The following TMEM117 variants were observed in gnomAD, a reference collection of about 807,000 sequenced individuals.
TMEM117 encodes transmembrane protein 117.
In TMEM117, 27 loss-of-function variants were observed where a neutral mutation model predicts 52.4. The observed-to-expected ratio is 0.51, with a 90% CI of 0.38 to 0.71. The LOEUF is 0.71. Ranked by LOEUF, TMEM117 falls within the 30% of genes least tolerant of loss-of-function variation. The pLI is 0.00. For missense variants in TMEM117, 556 were observed against 630.5 expected (o/e 0.88, Z 1.26); for synonymous variants, 215 against 206.3 (o/e 1.04, Z -0.36).
intron 3 of TMEM117, among the ~76,000 whole-genome samples, chr12:43,971,740 T>C (rs868259278): frequency 3.0e-4 from 45 of 152,244 alleles, no homozygotes; most frequent in Admixed American, 1.9e-3. Context: ...ATGAAAATTA[T>C]TGTTTATGTG....
chr12:43,887,069 G>C (rs1398009338), intron 2 of TMEM117, among the ~76,000 whole-genome samples: 2 of 152,074 alleles, frequency 1.3e-5, no homozygotes, highest in Non-Finnish European at 2.9e-5. Context: ...GGCTGGTCTC[G>C]AGCTCCTGAC....
intron 6 of TMEM117, among the ~76,000 whole-genome samples, chr12:44,359,529 T>C (rs1490963689): frequency 6.6e-6 from 1 of 152,096 alleles, no homozygotes; most frequent in Non-Finnish European, 1.5e-5. Context: ...AGTAGCCGTA[T>C]AATTTTCCAT....
intron 3 of TMEM117, among the ~76,000 whole-genome samples, chr12:43,999,802 G>A (rs1366398534): frequency 6.6e-6 from 1 of 151,906 alleles, no homozygotes; most frequent in Non-Finnish European, 1.5e-5. Flanking sequence ...GGATATAGAT[G>A]GATTTTTGAA....
At chr12:44,297,038 A>G (rs1013958226) in intron 5 of TMEM117, among the ~76,000 whole-genome samples, 1 of 152,208 alleles carries the variant, frequency 6.6e-6, no homozygotes, top group African/African-American at 2.4e-5. Context: ...ACTTTTTTCC[A>G]TAGATAGCTG....
At chr12:44,307,526 T>A (rs916564421) in intron 6 of TMEM117, among the ~76,000 whole-genome samples, 1 of 152,252 alleles carries the variant, frequency 6.6e-6, no homozygotes, top group Non-Finnish European at 1.5e-5. Flanking sequence ...AATAAAGGGC[T>A]TATCACTTAG....
intron 5 of TMEM117, among the ~76,000 whole-genome samples, chr12:44,282,817 T>A (rs1950594415): frequency 6.6e-6 from 1 of 152,250 alleles, no homozygotes; most frequent in African/African-American, 2.4e-5. Context: ...CTCCAGGCTG[T>A]GTCAGAGACC....
chr12:43,993,289 G>A (rs1452714995), intron 3 of TMEM117, among the ~76,000 whole-genome samples: 1 of 152,178 alleles, frequency 6.6e-6, no homozygotes, highest in African/African-American at 2.4e-5. Flanking sequence ...CTTTACAGAT[G>A]TGTTGAGAGA....
At chr12:44,333,869 A>G (rs1192822084) in intron 6 of TMEM117, among the ~76,000 whole-genome samples, 2 of 151,998 alleles carry the variant, frequency 1.3e-5, no homozygotes, top group Admixed American at 6.6e-5. Context: ...GAGTTTACCT[A>G]TCTGACTGAT....
intron 5 of TMEM117, among the ~76,000 whole-genome samples, chr12:44,249,213 G>T (rs1255221907): frequency 2.0e-5 from 3 of 151,630 alleles, no homozygotes; most frequent in Non-Finnish European, 2.9e-5. Flanking sequence ...TGTTTCCAGG[G>T]GTTTGTATTC....
chr12:44,087,608 G>A (rs1340313626), intron 3 of TMEM117, among the ~76,000 whole-genome samples: 1 of 152,044 alleles, frequency 6.6e-6, no homozygotes, highest in Non-Finnish European at 1.5e-5. Context: ...GGGACTATAG[G>A]TGTGTGCCCC....
At chr12:44,145,039 C>T (rs1948623354) in intron 4 of TMEM117, among the ~76,000 whole-genome samples, 1 of 152,118 alleles carries the variant, frequency 6.6e-6, no homozygotes, top group Admixed American at 6.6e-5. Context: ...CGCCTGTAGT[C>T]CCAGCTACTC....
At chr12:44,136,324 G>C (rs540745438) in intron 3 of TMEM117, among the ~76,000 whole-genome samples, 66 of 152,216 alleles carry the variant, frequency 4.3e-4, no homozygotes, top group African/African-American at 1.5e-3. Context: ...GTAGAAGACA[G>C]AACTATTCAG....
intron 6 of TMEM117, among the ~76,000 whole-genome samples, chr12:44,351,589 T>C (rs1447287068): frequency 6.6e-6 from 1 of 152,046 alleles, no homozygotes; most frequent in African/African-American, 2.4e-5. Flanking sequence ...CATCCAGTTG[T>C]CCCAGCACCA....
intron 6 of TMEM117, among the ~76,000 whole-genome samples, chr12:44,338,106 A>G (rs548788190): frequency 1.3e-5 from 2 of 151,934 alleles, no homozygotes; most frequent in African/African-American, 4.8e-5. Flanking sequence ...AAAGCAGAAT[A>G]TTTTTAAAAA....
chr12:44,026,178 G>A (rs1371518683), intron 3 of TMEM117, among the ~76,000 whole-genome samples: 11 of 152,158 alleles, frequency 7.2e-5, no homozygotes, highest in Admixed American at 7.2e-4. Flanking sequence ...GACTTGGCTT[G>A]CTCCTTGCTG....
At chr12:43,860,630 G>T (rs1021223360) in intron 2 of TMEM117, among the ~76,000 whole-genome samples, 2 of 152,164 alleles carry the variant, frequency 1.3e-5, no homozygotes, top group African/African-American at 4.8e-5. Flanking sequence ...AAGCCCCAGA[G>T]CAGTGGTGTG....
chr12:44,347,844 C>G (rs1251728765), intron 6 of TMEM117, among the ~76,000 whole-genome samples: 1 of 151,972 alleles, frequency 6.6e-6, no homozygotes, highest in Non-Finnish European at 1.5e-5. Flanking sequence ...TCAAATCTGG[C>G]TGCATGTTAT....
At chr12:44,254,923 C>T (rs1592643688) in intron 5 of TMEM117, among the ~76,000 whole-genome samples, 1 of 151,962 alleles carries the variant, frequency 6.6e-6, no homozygotes, top group African/African-American at 2.4e-5. Flanking sequence ...GTTTTTTGTC[C>T]TTGCGATAGT....
intron 3 of TMEM117, among the ~76,000 whole-genome samples, chr12:43,976,412 T>C (rs914045809): frequency 3.3e-5 from 5 of 152,058 alleles, no homozygotes; most frequent in African/African-American, 1.2e-4. Flanking sequence ...CCCCCTAAGC[T>C]GGCAACGCTC....
Sources: gnomAD v4.1 joint callset for allele counts (sites outside exome capture counted in the v4.1 genomes callset) on GRCh38, gnomAD v4.1.1 for gene constraint, MANE v1.5 for transcripts, NCBI Gene and HGNC (gene_info 2026-07-23, HGNC 2026-07-21) for gene names.